The following PRKG1 variants were observed in gnomAD, a reference collection of about 807,000 sequenced individuals.
The protein encoded by PRKG1 is protein kinase cGMP-dependent 1, also known as cGMP-dependent protein kinase 1.
A neutral mutation model predicts 88.1 loss-of-function variants in PRKG1; 35 were observed. That is an observed-to-expected ratio of 0.40 (90% confidence interval 0.30 to 0.53). The LOEUF (loss-of-function observed/expected upper bound fraction) is 0.53. PRKG1 is among the 20% of genes least tolerant of loss of function. The pLI is 0.59. For missense variants in PRKG1, 540 were observed against 839.8 expected (o/e 0.64, Z 4.41); for synonymous variants, 303 against 292.5 (o/e 1.04, Z -0.37).
At chr10:51,139,768 G>T (rs561461039) in intron 1 of PRKG1, among the ~76,000 whole-genome samples, 1 of 152,236 alleles carries the variant, frequency 6.6e-6, no homozygotes, top group South Asian at 2.1e-4. Flanking sequence ...TAGTGCAATA[G>T]CATCCTTTCT....
chr10:51,551,462 G>A (rs1186768346), intron 3 of PRKG1, among the ~76,000 whole-genome samples: 2 of 151,786 alleles, frequency 1.3e-5, no homozygotes, highest in Admixed American at 1.3e-4. Flanking sequence ...GTATAATTTT[G>A]AGAATTTGTT....
intron 2 of PRKG1, among the ~76,000 whole-genome samples, chr10:51,328,040 A>C (rs1841637568): frequency 1.3e-5 from 2 of 152,200 alleles, no homozygotes; most frequent in Non-Finnish European, 2.9e-5. Flanking sequence ...AACCATAGTC[A>C]TGAGGTTATA....
intron 2 of PRKG1, among the ~76,000 whole-genome samples, chr10:51,200,175 A>C (rs970719463): frequency 6.6e-6 from 1 of 152,226 alleles, no homozygotes; most frequent in Non-Finnish European, 1.5e-5. Flanking sequence ...CACACTTGCC[A>C]GAATCACAGA....
At chr10:51,800,355 G>A (rs1162643172) in intron 3 of PRKG1, among the ~76,000 whole-genome samples, 4 of 152,054 alleles carry the variant, frequency 2.6e-5, no homozygotes, top group African/African-American at 9.7e-5. Flanking sequence ...ACCCGCATGA[G>A]TTGAAAATAT....
chr10:52,233,922 G>C (rs1441712819), intron 9 of PRKG1, among the ~76,000 whole-genome samples: 1 of 151,868 alleles, frequency 6.6e-6, no homozygotes, highest in East Asian at 1.9e-4. Flanking sequence ...CTGCCTGACA[G>C]CTTTGAAGAG....
At chr10:51,334,753 G>T (rs919565603) in intron 2 of PRKG1, among the ~76,000 whole-genome samples, 35 of 152,230 alleles carry the variant, frequency 2.3e-4, no homozygotes, top group African/African-American at 7.7e-4. Context: ...AGCAGTTATT[G>T]CTTTCACAGA....
At chr10:51,285,001 C>T (rs1188505758) in intron 2 of PRKG1, among the ~76,000 whole-genome samples, 2 of 143,382 alleles carry the variant, frequency 1.4e-5, no homozygotes, top group African/African-American at 5.2e-5. Flanking sequence ...CCCACTAACT[C>T]GTCATCTAGC....
chr10:51,047,892 A>G (rs1363461519), intron 1 of PRKG1, among the ~76,000 whole-genome samples: 1 of 152,220 alleles, frequency 6.6e-6, no homozygotes, highest in Non-Finnish European at 1.5e-5. Context: ...GTATAAAATA[A>G]CATGCTTGGC....
chr10:52,194,804 T>G (rs936945287), intron 9 of PRKG1, among the ~76,000 whole-genome samples: 7 of 152,210 alleles, frequency 4.6e-5, no homozygotes, highest in Non-Finnish European at 8.8e-5. Flanking sequence ...AATGACATTT[T>G]CATTTAAAAA....
At chr10:51,708,076 G>A (rs763078966) in intron 3 of PRKG1, among the ~76,000 whole-genome samples, 4 of 152,184 alleles carry the variant, frequency 2.6e-5, no homozygotes, top group Admixed American at 6.5e-5. Flanking sequence ...CTAGGCTGCT[G>A]TATTAGAATA....
At chr10:51,045,818 A>G (rs1843482255) in intron 1 of PRKG1, among the ~76,000 whole-genome samples, 1 of 152,228 alleles carries the variant, frequency 6.6e-6, no homozygotes, top group Non-Finnish European at 1.5e-5. Flanking sequence ...TCACTTAACC[A>G]TACATAACTT....
At chr10:52,258,483 C>G (rs940034482) in intron 10 of PRKG1, among the ~76,000 whole-genome samples, 1 of 151,216 alleles carries the variant, frequency 6.6e-6, no homozygotes, top group African/African-American at 2.4e-5. Flanking sequence ...GTGAGGAGAA[C>G]ATGAGACATG....
intron 2 of PRKG1, among the ~76,000 whole-genome samples, chr10:51,437,758 G>T (rs1243413513): frequency 6.6e-6 from 1 of 151,128 alleles, no homozygotes; most frequent in Non-Finnish European, 1.5e-5. Flanking sequence ...TTCTTAAACA[G>T]AGGTGACCTG....
chr10:51,788,236 T>C (rs1013014018), intron 3 of PRKG1, among the ~76,000 whole-genome samples: 1 of 152,202 alleles, frequency 6.6e-6, no homozygotes, highest in Non-Finnish European at 1.5e-5. Context: ...AGTTTTCATA[T>C]TGCATAATCA....
rs148294826 is a variant in PRKG1, at chr10:51,118,596, A to G, written c.312-34568A>G. On this transcript the variant is annotated intron_variant, in intron 1 of 17. Transcript: ENST00000373980. ...AATTTTCTCGATAATTTCTACACTA[A>G]CACCATGAGATAGGTATTCTTATTA... Among the ~76,000 whole-genome samples, 349 of 152,288 alleles carry G rather than the reference A, an allele frequency of 2.3e-3. 1 individual carries two copies. Among genetic ancestry groups the G allele is most frequent in the Middle Eastern group, 0.014 (4 of 294 alleles).
chr10:52,019,425 G>T (rs1377709911), intron 5 of PRKG1, among the ~76,000 whole-genome samples: 1 of 152,158 alleles, frequency 6.6e-6, no homozygotes, highest in Non-Finnish European at 1.5e-5. Context: ...TGTAAAACTG[G>T]TTACAGGCTG....
intron 2 of PRKG1, among the ~76,000 whole-genome samples, chr10:51,265,758 G>C (rs1276535861): frequency 6.6e-6 from 1 of 152,150 alleles, no homozygotes; most frequent in Admixed American, 6.5e-5. Context: ...TTCTGGTTGA[G>C]AAAACCATGG....
intron 2 of PRKG1, among the ~76,000 whole-genome samples, chr10:51,213,135 A>G (rs1430282587): frequency 6.6e-6 from 1 of 152,232 alleles, no homozygotes; most frequent in East Asian, 1.9e-4. Flanking sequence ...CTATGCAGCC[A>G]TAAAAAAGGA....
chr10:51,630,620 G>A (rs1413272068), intron 3 of PRKG1, among the ~76,000 whole-genome samples: 13 of 152,234 alleles, frequency 8.5e-5, no homozygotes, highest in African/African-American at 3.1e-4. Context: ...TTGCCTTATT[G>A]TCAATATTGG....
Sources: allele counts gnomAD v4.1 joint callset (sites outside exome capture counted in the v4.1 genomes callset), GRCh38; gene constraint gnomAD v4.1.1; transcripts MANE v1.5; gene names NCBI Gene and HGNC (gene_info 2026-07-23, HGNC 2026-07-21).